The following PRKG1 variants were observed in gnomAD, a reference collection of about 807,000 sequenced individuals.
The protein encoded by PRKG1 is cGMP-dependent protein kinase 1.
In PRKG1, 35 loss-of-function variants were observed where a neutral mutation model predicts 88.1. The ratio of observed to expected loss-of-function variants is 0.40; its 90% CI spans 0.30 to 0.53. PRKG1 has a LOEUF of 0.53. Among genes scored for constraint, PRKG1 ranks in the 20% least tolerant of loss-of-function variants. The probability of loss-of-function intolerance (pLI) is 0.59; values close to 1 mark genes in which losing one functional copy is unlikely to be tolerated. For synonymous variants in PRKG1, 303 were observed against 292.5 expected (o/e 1.04, Z -0.37); for missense variants, 540 against 839.8 (o/e 0.64, Z 4.41).
intron 2 of PRKG1, among the ~76,000 whole-genome samples, chr10:51,463,419 A>T (rs756739921): frequency 5.3e-5 from 8 of 152,194 alleles, no homozygotes; most frequent in Non-Finnish European, 1.2e-4. Flanking sequence ...ATAATAACAT[A>T]TAAGTTCATC....
intron 2 of PRKG1, among the ~76,000 whole-genome samples, chr10:51,404,225 C>T (rs1354187976): frequency 6.6e-6 from 1 of 152,214 alleles, no homozygotes; most frequent in Non-Finnish European, 1.5e-5. Flanking sequence ...AGAAAGTTAT[C>T]ACATGCTTAA....
intron 5 of PRKG1, among the ~76,000 whole-genome samples, chr10:51,913,625 G>A (rs920349530): frequency 6.6e-6 from 1 of 152,098 alleles, no homozygotes; most frequent in Admixed American, 6.6e-5. Flanking sequence ...TCAAAAATCT[G>A]TCCAGACCAA....
chr10:51,444,927 TA>T (rs541617789), intron 2 of PRKG1, among the ~76,000 whole-genome samples: 7 of 151,924 alleles, frequency 4.6e-5, no homozygotes, highest in African/African-American at 1.7e-4. Flanking sequence ...GGGACTGGGT[TA>T]AAAAAATAGT....
At chr10:51,451,325 C>T (rs756951158) in intron 2 of PRKG1, among the ~76,000 whole-genome samples, 7 of 151,296 alleles carry the variant, frequency 4.6e-5, no homozygotes, top group Non-Finnish European at 8.9e-5. Context: ...CTTAAACTAA[C>T]GTGATTTGTT....
chr10:51,288,693 T>C (rs1193570995), intron 2 of PRKG1, among the ~76,000 whole-genome samples: 3 of 152,190 alleles, frequency 2.0e-5, no homozygotes, highest in Non-Finnish European at 4.4e-5. Flanking sequence ...TTGACTAGAA[T>C]AATAATGAGT....
chr10:51,193,390 C>T (rs1484779880), intron 2 of PRKG1, among the ~76,000 whole-genome samples: 1 of 151,902 alleles, frequency 6.6e-6, no homozygotes, highest in Non-Finnish European at 1.5e-5. Context: ...TTTTAATAAG[C>T]ATTGTATCAC....
chr10:52,112,775 C>A lies in PRKG1; in HGVS notation c.936-21065C>A, dbSNP rs116683834. ...CTCTAAGCAGCTGTAAGCATAAGAGCCTTCTGGCAAAGAATAGGATTATCA... is the reference window on the plus strand; with the variant it reads ...CTCTAAGCAGCTGTAAGCATAAGAGACTTCTGGCAAAGAATAGGATTATCA... On this transcript the variant is annotated intron_variant, in intron 7 of 17. Coordinates refer to ENST00000373980, the MANE Select transcript of PRKG1 (RefSeq NM_006258.4). Among the ~76,000 whole-genome samples the A allele has an allele frequency of 8.5e-3, 1,291 of 152,172 alleles. 19 individuals carry two copies. The highest frequency in any genetic ancestry group is 0.029 in the African/African-American group (1,207 of 41,520).
rs182061691 is a variant in PRKG1, at chr10:51,300,066, A to T, written c.478+146736A>T. Among the ~76,000 whole-genome samples the T allele has an allele frequency of 4.6e-5, 7 of 152,360 alleles. No homozygotes were observed. In the East Asian group the frequency reaches 1.3e-3, roughly 29 times the overall value. On this transcript the variant is annotated intron_variant, in intron 2 of 17. Coordinates refer to ENST00000373980, the MANE Select transcript of PRKG1 (RefSeq NM_006258.4). ...CCTTTTCTCCAAAGTTGATGAAACT[A>T]AACCACAGTTGATTGGATTACTTGC...
In PRKG1 at chr10:51,655,476, A is replaced by G. The variant is rs572024423; in HGVS notation, c.593-149109A>G. ...TTAATCAGAATATAGAAAGATCAGG[A>G]AATAATTCAGCACATTTAGAATCTT... On this transcript the variant is annotated intron_variant, in intron 3 of 17. Transcript: ENST00000373980. Among the ~76,000 whole-genome samples, 10 of 152,280 alleles carry G rather than the reference A, an allele frequency of 6.6e-5. No individual in the cohort carries two copies. The South Asian group carries it at 2.1e-3, about 32-fold the overall frequency.
intron 7 of PRKG1, among the ~76,000 whole-genome samples, chr10:52,113,657 AT>A (rs1847619710): frequency 6.6e-6 from 1 of 152,036 alleles, no homozygotes; most frequent in Non-Finnish European, 1.5e-5. Context: ...GTAATAGGAG[AT>A]TTCTCAATTG....
chr10:52,144,295 T>C (rs934320486), intron 8 of PRKG1, among the ~76,000 whole-genome samples: 1 of 152,160 alleles, frequency 6.6e-6, no homozygotes, highest in African/African-American at 2.4e-5. Flanking sequence ...GAGATGGGGA[T>C]AGATAGTAAA....
intron 2 of PRKG1, among the ~76,000 whole-genome samples, chr10:51,352,886 C>A (rs750309442): frequency 2.7e-4 from 41 of 152,174 alleles, no homozygotes; most frequent in Admixed American, 7.9e-4. Context: ...GTAACTAACA[C>A]ATCATGGTAC....
chr10:51,703,494 T>C (rs1332269327), intron 3 of PRKG1, among the ~76,000 whole-genome samples: 2 of 152,216 alleles, frequency 1.3e-5, no homozygotes, highest in East Asian at 1.9e-4. Flanking sequence ...TTTCTGATTA[T>C]AGTAACTCCT....
At chr10:52,049,624 C>T (rs1845940463) in intron 5 of PRKG1, among the ~76,000 whole-genome samples, 1 of 151,688 alleles carries the variant, frequency 6.6e-6, no homozygotes, top group Admixed American at 6.6e-5. Context: ...ACAGGGAGAC[C>T]AGATAAGAAG....
chr10:51,368,273 T>C (rs540428835), intron 2 of PRKG1, among the ~76,000 whole-genome samples: 104 of 152,172 alleles, frequency 6.8e-4, no homozygotes, highest in African/African-American at 2.4e-3. Context: ...TACTTCATGA[T>C]CGAAACATAT....
chr10:51,161,100 A>G (rs1846349187), intron 2 of PRKG1, among the ~76,000 whole-genome samples: 1 of 152,166 alleles, frequency 6.6e-6, no homozygotes, highest in Admixed American at 6.5e-5. Context: ...GGGACAGTAA[A>G]TATGCTTTTG....
At chr10:51,147,644 T>A (rs1170701948) in intron 1 of PRKG1, among the ~76,000 whole-genome samples, 1 of 152,186 alleles carries the variant, frequency 6.6e-6, no homozygotes, top group Non-Finnish European at 1.5e-5. Flanking sequence ...TTGGTAAATA[T>A]TACAATGTAT....
At chr10:51,074,986 C>G in intron 1 of PRKG1, 85 bp downstream of exon 1, 1 of 1,451,360 alleles carries the variant, frequency 6.9e-7, no homozygotes, top group Non-Finnish European at 9.2e-7. Context: ...GGCCCCCGCC[C>G]CTCCCGCTTG....
intron 5 of PRKG1, among the ~76,000 whole-genome samples, chr10:52,000,197 G>T (rs371006542): frequency 3.3e-5 from 5 of 151,906 alleles, no homozygotes; most frequent in African/African-American, 7.3e-5. Flanking sequence ...CTTCTGTTTA[G>T]CTGCATTGTT....
Sources: allele counts gnomAD v4.1 joint callset (sites outside exome capture counted in the v4.1 genomes callset), GRCh38; gene constraint gnomAD v4.1.1; transcripts MANE v1.5; gene names NCBI Gene and HGNC (gene_info 2026-07-23, HGNC 2026-07-21).